MCC: variants seen among roughly 807,000 people sequenced by gnomAD.
MCC encodes the protein MCC regulator of Wnt signaling pathway.
MCC carries 90 observed loss-of-function variants against 116.2 expected under a neutral mutation model. The observed-to-expected ratio is 0.77, with a 90% confidence interval of 0.65 to 0.92. The LOEUF (loss-of-function observed/expected upper bound fraction) is 0.92, where lower values mean the gene tolerates loss of function less well. Ranked by LOEUF, MCC falls within the 40% of genes least tolerant of loss-of-function variation. The pLI is 0.00. For missense variants in MCC, 1,516 were observed against 1,312.2 expected, an observed-to-expected ratio of 1.16 and a Z score of -2.40; for synonymous variants, 578 against 510.5, an observed-to-expected ratio of 1.13 and a Z score of -1.78.
intron 3 of MCC, among the ~76,000 whole-genome samples, chr5:113,263,784 G>A (rs1765304403): frequency 1.3e-5 from 2 of 152,152 alleles, no homozygotes; most frequent in South Asian, 4.1e-4. Context: ...CGTTTATGGT[G>A]TGGCAGAAAG....
intron 1 of MCC, among the ~76,000 whole-genome samples, chr5:113,456,623 ATTTTTTTTTTTTTTTT>A (rs34111159): frequency 2.0e-5 from 1 of 51,064 alleles, no homozygotes; most frequent in Non-Finnish European, 3.5e-5. Context: ...TGCCCAGCTA[ATTTTTTTTTTTTTTTT>A]TTTTTTTTTT....
chr5:113,441,566 A>T (rs372038225), intron 1 of MCC, among the ~76,000 whole-genome samples: 32 of 152,240 alleles, frequency 2.1e-4, no homozygotes, highest in African/African-American at 7.2e-4. Flanking sequence ...GTTTTGTTAC[A>T]TAAGTATACC....
intron 6 of MCC, among the ~76,000 whole-genome samples, chr5:113,108,454 A>G (rs1184287633): frequency 6.6e-6 from 1 of 151,536 alleles, no homozygotes; most frequent in Non-Finnish European, 1.5e-5. Flanking sequence ...GGAGTTTGAG[A>G]CCAGCCTGAC....
Position 113,024,858 on chromosome 5 carries a change from AC to A in MCC, c.*2443del, listed in dbSNP as rs1750420092. The A allele has an allele frequency of 6.6e-6, 1 of 152,178 alleles. No homozygotes were observed. The highest frequency in any genetic ancestry group is 1.5e-5 in the Non-Finnish European group (1 of 68,028). 9.4% of individuals were successfully genotyped at this position (152,178 alleles called of 1,614,324 possible). A position where few individuals can be genotyped will look rare whatever the true frequency, so the allele number is the denominator to read the frequency against. On this transcript the variant is annotated 3_prime_UTR_variant, in exon 19 of 19. Transcript: ENST00000408903. Reference sequence around the variant, plus strand: ...TTTGAAAAATACAAGAAAAGGAAAAACTTTTATAGCTTTTTTATTATACATA... The same window carrying A: ...TTTGAAAAATACAAGAAAAGGAAAAATTTTATAGCTTTTTTATTATACATA...
intron 1 of MCC, among the ~76,000 whole-genome samples, chr5:113,394,594 T>C (rs1377509801): frequency 6.6e-6 from 1 of 152,164 alleles, no homozygotes; most frequent in Non-Finnish European, 1.5e-5. Context: ...GCTTTGCACA[T>C]GTTTGTCCCT....
rs541939177 is a variant in MCC at position 113,418,055 on chromosome 5, A to C, written c.171-32843T>G. On this transcript the variant is annotated intron_variant, in intron 1 of 18. Transcript: ENST00000408903. Reference sequence around the variant, plus strand: ...AGGTGACTGCATACTGTTTGCAGTCATTTCCTCCCTCATGTCTTTTTTGGA... The same window carrying C: ...AGGTGACTGCATACTGTTTGCAGTCCTTTCCTCCCTCATGTCTTTTTTGGA... Among the ~76,000 whole-genome samples, 121 of 149,290 alleles carry C rather than the reference A, an allele frequency of 8.1e-4. 1 individual carries two copies. Among genetic ancestry groups the C allele is most frequent in the Middle Eastern group, 3.4e-3 (1 of 294 alleles).
At chr5:113,088,505 G>A (rs1046899322) in intron 8 of MCC, among the ~76,000 whole-genome samples, 4 of 151,116 alleles carry the variant, frequency 2.6e-5, no homozygotes, top group African/African-American at 4.9e-5. Context: ...CTAAATTAAC[G>A]ATCTCAAGGC....
At chr5:113,114,735 G>A (rs74362784) in intron 6 of MCC, among the ~76,000 whole-genome samples, 2,448 of 152,256 alleles carry the variant, frequency 0.016, 54 homozygotes, top group African/African-American at 0.056. Flanking sequence ...TTGCTTCGGA[G>A]AGGAGTCTGG....
intron 3 of MCC, among the ~76,000 whole-genome samples, chr5:113,167,542 C>A (rs1760834424): frequency 6.6e-6 from 1 of 152,164 alleles, no homozygotes; most frequent in Non-Finnish European, 1.5e-5. Flanking sequence ...ATTTTAACTT[C>A]AACAGACTGA....
intron 8 of MCC, among the ~76,000 whole-genome samples, chr5:113,095,597 G>A (rs1265272164): frequency 6.6e-6 from 1 of 151,996 alleles, no homozygotes; most frequent in African/African-American, 2.4e-5. Flanking sequence ...ACAGCTCACT[G>A]CAGACTTGAT....
intron 3 of MCC, among the ~76,000 whole-genome samples, chr5:113,339,136 G>C (rs60058111): frequency 6.6e-6 from 1 of 151,322 alleles, no homozygotes; most frequent in African/African-American, 2.4e-5. Flanking sequence ...TGAGACAGGA[G>C]AATTGCTTGA....
intron 1 of MCC, among the ~76,000 whole-genome samples, chr5:113,400,986 A>G (rs1055508235): frequency 1.3e-5 from 2 of 152,242 alleles, no homozygotes; most frequent in Non-Finnish European, 2.9e-5. Context: ...AGATCCAAAC[A>G]TTATGTAAGG....
chr5:113,385,189 C>G lies in MCC; in HGVS notation c.194G>C (p.Arg65Pro). The G allele has an allele frequency of 6.2e-7, 1 of 1,613,770 alleles. No homozygotes were observed. The highest frequency in any genetic ancestry group is 8.5e-7 in the Non-Finnish European group (1 of 1,179,954). Reference sequence around the variant, plus strand: ...CACAGACTCTTCCATATTCAGCTGGCGACAGACCATTAGCAAGTCATTTCT... The same window carrying G: ...CACAGACTCTTCCATATTCAGCTGGGGACAGACCATTAGCAAGTCATTTCT... ...ISRNDLLMVC[R>P]QLNMEESVAE... Residue 65 changes from arginine to proline, a missense_variant, in exon 2 of 19, where the codon CGC becomes CCC. Coordinates refer to ENST00000408903, the MANE Select transcript of MCC (RefSeq NM_001085377.2).
intron 3 of MCC, among the ~76,000 whole-genome samples, chr5:113,241,390 C>T (rs1421908354): frequency 6.6e-6 from 1 of 152,140 alleles, no homozygotes; most frequent in East Asian, 1.9e-4. Flanking sequence ...TTAACTTCCT[C>T]AACTCTGCGA....
intron 17 of MCC, among the ~76,000 whole-genome samples, chr5:113,030,928 A>G (rs1030714405): frequency 6.6e-6 from 1 of 152,170 alleles, no homozygotes; most frequent in Non-Finnish European, 1.5e-5. Context: ...ACAATTTTGT[A>G]TATTTTCTGT....
intron 3 of MCC, among the ~76,000 whole-genome samples, chr5:113,292,024 G>C (rs886846551): frequency 6.6e-6 from 1 of 152,140 alleles, no homozygotes; most frequent in Non-Finnish European, 1.5e-5. Flanking sequence ...TAGGCCAGGA[G>C]TTTGAGACCA....
intron 1 of MCC, among the ~76,000 whole-genome samples, chr5:113,419,231 C>T (rs558732362): frequency 1.3e-5 from 2 of 151,004 alleles, no homozygotes; most frequent in East Asian, 1.9e-4. Context: ...AGTGCAGCGG[C>T]GCTATCATAG....
intron 3 of MCC, 48 bp from the exon 4 acceptor site, chr5:113,151,470 T>C (rs1759871106): frequency 1.9e-6 from 2 of 1,030,918 alleles, no homozygotes; most frequent in African/African-American, 1.6e-5. Flanking sequence ...CAGAGATGTA[T>C]TTCCTTCCCT....
At chr5:113,446,941 T>C (rs1475770872) in intron 1 of MCC, among the ~76,000 whole-genome samples, 3 of 152,108 alleles carry the variant, frequency 2.0e-5, no homozygotes, top group East Asian at 3.9e-4. Flanking sequence ...ACCCCCTGAA[T>C]CTAAAATAAA....
Sources: gnomAD v4.1 joint callset for allele counts (sites outside exome capture counted in the v4.1 genomes callset) on GRCh38, gnomAD v4.1.1 for gene constraint, MANE v1.5 for transcripts, NCBI Gene and HGNC (gene_info 2026-07-23, HGNC 2026-07-21) for gene names.